Variants in TRMT10A observed in about 807,000 individuals in gnomAD.
TRMT10A encodes the protein tRNA methyltransferase 10A.
Under a neutral mutation model 40.4 loss-of-function variants are expected in TRMT10A, and 37 were observed. The observed-to-expected ratio is 0.92, with a 90% CI of 0.71 to 1.21. TRMT10A has a LOEUF of 1.21. TRMT10A is among the 50% of genes most tolerant of loss of function. The pLI is 0.00. For missense variants in TRMT10A, 388 were observed against 404.3 expected (o/e 0.96, Z 0.35); for synonymous variants, 103 against 134.1 (o/e 0.77, Z 1.60).
rs780278920 is a variant in TRMT10A at position 99,549,286 on chromosome 4, T to C, written c.822A>G (p.Gln274=). The change falls in exon 8 of 8, where the codon CAA becomes CAG. Residue 274 remains glutamine, a synonymous_variant. Coordinates refer to ENST00000394876, the MANE Select transcript of TRMT10A (RefSeq NM_001134665.3). ...WQEAFFTILP[Q]RKGAVPTDKA... ...TGTCTGTGGGAACAGCTCCTTTCCG[T>C]TGGGGCAAGATAGTAAAAAATGCTT... 11 of 1,614,038 alleles carry C rather than the reference T, an allele frequency of 6.8e-6. No homozygotes were observed. The highest frequency in any genetic ancestry group is 5.3e-5 in the African/African-American group (4 of 74,932).
chr4:99,550,417 T>C (rs1653466423), intron 7 of TRMT10A, among the ~76,000 whole-genome samples: 1 of 152,176 alleles, frequency 6.6e-6, no homozygotes, highest in African/African-American at 2.4e-5. Context: ...TTCGAACTCC[T>C]GGGCTTAAGC....
chr4:99,562,870 G>A (rs1724494991), intron 1 of TRMT10A, among the ~76,000 whole-genome samples: 1 of 151,684 alleles, frequency 6.6e-6, no homozygotes. Flanking sequence ...TGCCCAGGCT[G>A]GAGTGCAATG....
rs772482779 is a variant in TRMT10A, at chr4:99,553,837, T to C, written c.593A>G (p.Asp198Gly). The C allele has an allele frequency of 1.9e-6, 3 of 1,613,374 alleles. No individual in the cohort carries two copies. The highest frequency in any genetic ancestry group is 1.7e-5 in the Admixed American group (1 of 60,008). Residue 198 changes from aspartate to glycine, a missense_variant, in exon 6 of 8, where the codon GAT (aspartate) becomes GGT (glycine). Asp to Gly is a moderately conservative substitution (Grantham distance 94). Transcript: ENST00000394876. ...SDSPNILKEL[D>G]ESKAYVIGGL... ...TCCAATCACATAGGCCTTTGATTCA[T>C]CTAATTCCTTCAGTATATTAGGTGA...
intron 1 of TRMT10A, among the ~76,000 whole-genome samples, chr4:99,560,097 G>GACAGCATTAAAA (rs1468142369): frequency 7.9e-5 from 12 of 151,834 alleles, no homozygotes; most frequent in Admixed American, 7.9e-4. Context: ...TAGAATGAGG[G>GACAGCATTAAAA]AAACTACAAA....
chr4:99,547,928 A>T lies in TRMT10A; in HGVS notation c.*1160T>A, dbSNP rs997923426. 3.3e-5 allele frequency: 5 copies of T among 152,172 alleles called. No homozygotes were observed. Among genetic ancestry groups the T allele is most frequent in the African/African-American group, 1.2e-4 (5 of 41,456 alleles). The allele number at this position is 152,172 out of a possible 1,614,324, so 9.4% of individuals were successfully genotyped here. A position where few individuals can be genotyped will look rare whatever the true frequency, so the allele number is the denominator to read the frequency against. On this transcript the variant is annotated 3_prime_UTR_variant, in exon 8 of 8. Transcript: ENST00000394876. ...AGAGACCAATCATTTTACCTTAAACATTTAACTGCATGTACAATTACTGAT... is the reference window on the plus strand; with the variant it reads ...AGAGACCAATCATTTTACCTTAAACTTTTAACTGCATGTACAATTACTGAT...
chr4:99,564,016 AGGCAGGGGC>A lies in TRMT10A; in HGVS notation c.-136_-128del, dbSNP rs1043211569. The A allele has an allele frequency of 6.0e-6, 9 of 1,493,182 alleles. No individual in the cohort carries two copies. The highest frequency in any genetic ancestry group is 8.1e-6 in the Non-Finnish European group (9 of 1,109,122). 92.5% of individuals were successfully genotyped at this position (1,493,182 alleles called of 1,614,324 possible). A position where few individuals can be genotyped will look rare whatever the true frequency, so the allele number is the denominator to read the frequency against. On this transcript the variant is annotated 5_prime_UTR_variant, in exon 1 of 8. Transcript: ENST00000394876. ...CTTCCACAGAAACTTCAATTCCCAG[AGGCAGGGGC>A]GGTAGTTACGCAGTGGAGGCTACGG... is the stretch of plus-strand genomic sequence containing the variant.
intron 1 of TRMT10A, among the ~76,000 whole-genome samples, chr4:99,561,757 A>G (rs1424043657): frequency 6.6e-6 from 1 of 152,250 alleles, no homozygotes; most frequent in African/African-American, 2.4e-5. Flanking sequence ...AGTTTGGGCA[A>G]TAATTTATAA....
chr4:99,563,494 G>A (rs915519841), intron 1 of TRMT10A: 1 of 185,716 alleles, frequency 5.4e-6, no homozygotes, highest in Non-Finnish European at 1.2e-5. Context: ...CGAAGTGGCA[G>A]GGCCATAACA....
At chr4:99,559,108 C>T in intron 2 of TRMT10A, 46 bp downstream of exon 2, 3 of 1,550,496 alleles carry the variant, frequency 1.9e-6, no homozygotes, top group Non-Finnish European at 2.6e-6. Context: ...TTTAACATTG[C>T]ATATCTCTAA....
intron 4 of TRMT10A, among the ~76,000 whole-genome samples, chr4:99,557,021 T>A (rs1489919356): frequency 6.6e-6 from 1 of 152,066 alleles, no homozygotes; most frequent in Non-Finnish European, 1.5e-5. Context: ...CTCTGTCCAA[T>A]CTCTCTCCCA....
chr4:99,551,036 A>G lies in TRMT10A; in HGVS notation c.646-46T>C, dbSNP rs766832654. ...CTTCGACAAGAACATTAAATTATTT[A>G]AAGTTTCTGTAATAGTATAAATAAT... On this transcript the variant is annotated intron_variant, in intron 6 of 7. Coordinates refer to ENST00000394876, the MANE Select transcript of TRMT10A (RefSeq NM_001134665.3). 12 of 1,345,424 alleles carry G rather than the reference A, an allele frequency of 8.9e-6. No homozygotes were observed. In the African/African-American group the frequency reaches 1.8e-4, roughly 20 times the overall value. The allele number at this position is 1,345,424 out of a possible 1,614,324, so 83.3% of individuals were successfully genotyped here. A position where few individuals can be genotyped will look rare whatever the true frequency, so the allele number is the denominator to read the frequency against.
rs570723107 is a variant in TRMT10A at position 99,548,318 on chromosome 4, G to A, written c.*770C>T. On this transcript the variant is annotated 3_prime_UTR_variant, in exon 8 of 8. Coordinates refer to ENST00000394876, the MANE Select transcript of TRMT10A (RefSeq NM_001134665.3). Reference sequence around the variant, plus strand: ...TGGAAAAAAAAACCACAGCTGCTAAGAGCTGTTCCATTTTAAATGCAGGTA... The same window carrying A: ...TGGAAAAAAAAACCACAGCTGCTAAAAGCTGTTCCATTTTAAATGCAGGTA... 1 of 152,072 alleles carries A rather than the reference G, an allele frequency of 6.6e-6. No individual in the cohort carries two copies. The highest frequency in any genetic ancestry group is 2.1e-4 in the South Asian group (1 of 4,830). The allele number at this position is 152,072 out of a possible 1,614,324, so 9.4% of individuals were successfully genotyped here. A position where few individuals can be genotyped will look rare whatever the true frequency, so the allele number is the denominator to read the frequency against.
At chr4:99,563,706 C>T in intron 1 of TRMT10A, 2 of 373,890 alleles carry the variant, frequency 5.3e-6, no homozygotes, top group South Asian at 4.1e-5. Flanking sequence ...TCTGGCGAAC[C>T]AGGGAGCAGC....
chr4:99,559,133 T>C, intron 2 of TRMT10A, 21 bp downstream of exon 2: 1 of 1,606,350 alleles, frequency 6.2e-7, no homozygotes, highest in Non-Finnish European at 8.5e-7. Context: ...GAAGAGAGCA[T>C]ATACATTTTG....
chr4:99,562,142 A>G (rs1382210409), intron 1 of TRMT10A, among the ~76,000 whole-genome samples: 5 of 150,642 alleles, frequency 3.3e-5, no homozygotes, highest in African/African-American at 1.2e-4. Flanking sequence ...CTGCACTCCA[A>G]CTAGGGCAAC....
At chr4:99,563,605 G>T (rs949494670) in intron 1 of TRMT10A, 2 of 267,924 alleles carry the variant, frequency 7.5e-6, no homozygotes, top group African/African-American at 2.3e-5. Flanking sequence ...CACGCCGACG[G>T]AAAGCGCCCC....
chr4:99,550,865 GTTTATCCCTTACAGCTTACCATGAT>G lies in TRMT10A; in HGVS notation c.746_751+19del, dbSNP rs1421509279. ...CAATGTTCGCTCAGGTATATTTTCA[GTTTATCCCTTACAGCTTACCATGAT>G]TAACTGCCAAAACTTTTCGACTATT... On this transcript the variant is annotated splice_donor_variant and splice_donor_5th_base_variant and coding_sequence_variant and intron_variant, in exon 7 of 8. Transcript: ENST00000394876. LOFTEE classifies it high-confidence loss of function. 6.4e-7 allele frequency: 1 copy of G among 1,554,154 alleles called. No individual in the cohort carries two copies.
rs1380749527 is a variant in TRMT10A at position 99,553,858 on chromosome 4, G to C, written c.572C>G (p.Pro191Arg). 1.2e-6 allele frequency: 2 copies of C among 1,613,308 alleles called. No homozygotes were observed. Among genetic ancestry groups the C allele is most frequent in the Non-Finnish European group, 1.7e-6 (2 of 1,179,710 alleles). The change falls in exon 6 of 8, where the codon CCT (proline) becomes CGT (arginine). Residue 191 changes from proline (P) to arginine (R), a missense_variant. Transcript: ENST00000394876. The stretch of plus-strand genomic sequence containing the variant: ...TTCATCTAATTCCTTCAGTATATTA[G>C]GTGAATCTGACGTAAGGTAAATCAG... ...EDLIYLTSDS[P>R]NILKELDESK...
chr4:99,556,331 A>C (rs1724159414), intron 4 of TRMT10A, 111 bp from the exon 5 acceptor site: 2 of 1,002,138 alleles, frequency 2.0e-6, no homozygotes, highest in African/African-American at 1.6e-5. Flanking sequence ...AAATATATTT[A>C]TTCTCATTCA....
Sources: gnomAD v4.1 joint callset for allele counts (sites outside exome capture counted in the v4.1 genomes callset) on GRCh38, gnomAD v4.1.1 for gene constraint, MANE v1.5 for transcripts, NCBI Gene and HGNC (gene_info 2026-07-23, HGNC 2026-07-21) for gene names.